Variants in DEFB125 observed in about 807,000 individuals in gnomAD.
DEFB125 encodes the protein beta-defensin 125.
In DEFB125, 11 loss-of-function variants were observed where a neutral mutation model predicts 11.8. The ratio of observed to expected loss-of-function variants is 0.94; its 90% CI spans 0.59 to 1.55. The LOEUF (loss-of-function observed/expected upper bound fraction) is 1.55, where lower values mean the gene tolerates loss of function less well. Among genes scored for constraint, DEFB125 ranks in the 40% most tolerant of loss-of-function variants. The pLI, the probability that DEFB125 is intolerant of heterozygous loss-of-function variation, is 0.00. For synonymous variants in DEFB125, 79 were observed against 66.7 expected (o/e 1.18, Z -0.90); for missense variants, 198 against 191.2 (o/e 1.04, Z -0.21).
chr20:95,970 A>G, intron 1 of DEFB125, 35 bp from the exon 2 acceptor site: 1 of 1,528,590 alleles, frequency 6.5e-7, no homozygotes, highest in Non-Finnish European at 8.8e-7. Context: ...TTGATGCCAG[A>G]GTTAAAAATT....
chr20:90,738 C>G (rs1247611792), intron 1 of DEFB125, among the ~76,000 whole-genome samples: 1 of 152,204 alleles, frequency 6.6e-6, no homozygotes, highest in African/African-American at 2.4e-5. Context: ...CTTGTTCACT[C>G]CACTACAGCC....
At chr20:95,235 T>G (rs1237140511) in intron 1 of DEFB125, among the ~76,000 whole-genome samples, 2 of 152,202 alleles carry the variant, frequency 1.3e-5, no homozygotes, top group Non-Finnish European at 2.9e-5. Context: ...ATTGGTCCTT[T>G]TAAGTCGTTT....
intron 1 of DEFB125, 106 bp downstream of exon 1, chr20:87,873 G>A: frequency 8.1e-7 from 1 of 1,237,978 alleles, no homozygotes; most frequent in East Asian, 2.4e-5. Flanking sequence ...AAAAATCTGG[G>A]CCAACAAAGA....
intron 1 of DEFB125, among the ~76,000 whole-genome samples, chr20:89,571 G>A (rs1600133672): frequency 6.6e-6 from 1 of 151,884 alleles, no homozygotes; most frequent in African/African-American, 2.4e-5. Flanking sequence ...TAGCCAAATT[G>A]TTTTTGCATA....
At chr20:95,819 T>G (rs1431902966) in intron 1 of DEFB125, among the ~76,000 whole-genome samples, 186 bp from the exon 2 acceptor site, 1 of 152,198 alleles carries the variant, frequency 6.6e-6, no homozygotes, top group Non-Finnish European at 1.5e-5. Flanking sequence ...TCCATACAAC[T>G]TCTTTGATGG....
chr20:96,620 A>T lies in DEFB125; in HGVS notation c.*203A>T. ...ATGTGTAGACAGAAATGTATAGAAG[A>T]TACAAGGATTCTCTTAATTGGACTT... is the stretch of plus-strand genomic sequence containing the variant. On this transcript the variant is annotated 3_prime_UTR_variant, in exon 2 of 2. Coordinates refer to ENST00000382410, the MANE Select transcript of DEFB125 (RefSeq NM_153325.4). The T allele has an allele frequency of 1.8e-6, 1 of 563,736 alleles. No homozygotes were observed. The highest frequency in any genetic ancestry group is 3.0e-6 in the Non-Finnish European group (1 of 333,920). 34.9% of individuals were successfully genotyped at this position (563,736 alleles called of 1,614,324 possible).
At chr20:91,386 A>G (rs1339606775) in intron 1 of DEFB125, among the ~76,000 whole-genome samples, 1 of 152,182 alleles carries the variant, frequency 6.6e-6, no homozygotes, top group Non-Finnish European at 1.5e-5. Context: ...AATCTTTGCC[A>G]AGACCAACGT....
chr20:88,693 A>G (rs1600133427), intron 1 of DEFB125, among the ~76,000 whole-genome samples: 1 of 152,170 alleles, frequency 6.6e-6, no homozygotes, highest in African/African-American at 2.4e-5. Context: ...CCATACATAA[A>G]CCTAGTTCAT....
intron 1 of DEFB125, 137 bp from the exon 2 acceptor site, chr20:95,868 G>A (rs559059076): frequency 1.3e-6 from 1 of 763,156 alleles, no homozygotes; most frequent in Non-Finnish European, 2.0e-6. Flanking sequence ...TTGTTCTCCT[G>A]TTTGTCTCTT....
intron 1 of DEFB125, among the ~76,000 whole-genome samples, chr20:90,360 A>G (rs1319760238): frequency 1.3e-5 from 2 of 152,184 alleles, no homozygotes; most frequent in Non-Finnish European, 2.9e-5. Flanking sequence ...TGATTTTTCT[A>G]TATCCTATGA....
chr20:95,364 C>A (rs998433761), intron 1 of DEFB125, among the ~76,000 whole-genome samples: 7 of 152,100 alleles, frequency 4.6e-5, no homozygotes, highest in African/African-American at 1.7e-4. Context: ...ACTTTAAATG[C>A]TATCCATAAG....
In DEFB125 at chr20:96,473, AAG is replaced by A; in HGVS notation, c.*59_*60del. 6.5e-7 allele frequency: 1 copy of A among 1,539,452 alleles called. No individual in the cohort carries two copies. Among genetic ancestry groups the A allele is most frequent in the Middle Eastern group, 1.7e-4 (1 of 5,742 alleles). On this transcript the variant is annotated 3_prime_UTR_variant, in exon 2 of 2. Coordinates refer to ENST00000382410, the MANE Select transcript of DEFB125 (RefSeq NM_153325.4). ...GAAATACTGCTGGAAATAATATCCA[AAG>A]AGCTGATTCTACCAATCCAATTTCA...
In DEFB125 at chr20:95,988, T is replaced by C. The variant is rs371782324; in HGVS notation, c.59-17T>C. On this transcript the variant is annotated splice_polypyrimidine_tract_variant and intron_variant, in intron 1 of 1. Transcript: ENST00000382410. ...ATGCCAGAGTTAAAAATTTGACCTA[T>C]ATTTTATTCTCTACAGGTAGCTTTG... The C allele has an allele frequency of 3.9e-6, 6 of 1,548,176 alleles. No homozygotes were observed. The highest frequency in any genetic ancestry group is 5.2e-6 in the Non-Finnish European group (6 of 1,147,554).
intron 1 of DEFB125, among the ~76,000 whole-genome samples, chr20:89,602 A>G (rs2054488928): frequency 6.6e-6 from 1 of 152,070 alleles, no homozygotes; most frequent in African/African-American, 2.4e-5. Context: ...TTTACATTTT[A>G]TAGACAAGGA....
chr20:94,071 T>C (rs953391514), intron 1 of DEFB125, among the ~76,000 whole-genome samples: 1 of 119,152 alleles, frequency 8.4e-6, no homozygotes, highest in Non-Finnish European at 1.7e-5. Context: ...CAATTAAACA[T>C]TTTTTTAAGT....
At chr20:87,929 G>A (rs964991053) in intron 1 of DEFB125, among the ~76,000 whole-genome samples, 162 bp downstream of exon 1, 1 of 152,160 alleles carries the variant, frequency 6.6e-6, no homozygotes, top group African/African-American at 2.4e-5. Flanking sequence ...CCTAGTCTCT[G>A]AGAATCTTTC....
At chr20:95,240 T>C (rs2054510532) in intron 1 of DEFB125, among the ~76,000 whole-genome samples, 1 of 152,214 alleles carries the variant, frequency 6.6e-6, no homozygotes, top group Admixed American at 6.5e-5. Context: ...TCCTTTTAAG[T>C]CGTTTCCTCT....
chr20:90,398 C>T (rs1033305614), intron 1 of DEFB125, among the ~76,000 whole-genome samples: 1 of 152,196 alleles, frequency 6.6e-6, no homozygotes, highest in Non-Finnish European at 1.5e-5. Flanking sequence ...AAGTCTATTA[C>T]ATCTGCCTGC....
rs2054517515 is a variant in DEFB125 at position 96,768 on chromosome 20, A to G, written c.*351A>G. 1 of 217,162 alleles carries G rather than the reference A, an allele frequency of 4.6e-6. No individual in the cohort carries two copies. The highest frequency in any genetic ancestry group is 9.2e-6 in the Non-Finnish European group (1 of 109,150). 13.5% of individuals were successfully genotyped at this position (217,162 alleles called of 1,614,324 possible). A position where few individuals can be genotyped will look rare whatever the true frequency, so the allele number is the denominator to read the frequency against. On this transcript the variant is annotated 3_prime_UTR_variant, in exon 2 of 2. Transcript: ENST00000382410. ...AACAAAAACGAAGACCATTGTTTGG[A>G]GCTGCCTCTTATGACTAAGACAAGA...
Sources: gnomAD v4.1 joint callset for allele counts (sites outside exome capture counted in the v4.1 genomes callset) on GRCh38, gnomAD v4.1.1 for gene constraint, MANE v1.5 for transcripts, NCBI Gene and HGNC (gene_info 2026-07-23, HGNC 2026-07-21) for gene names.